CACNA1H: variants seen among roughly 807,000 people sequenced by gnomAD.
CACNA1H encodes the protein voltage-dependent T-type calcium channel subunit alpha-1H.
CACNA1H carries 149 observed loss-of-function variants against 192.5 expected under a neutral mutation model. That is an observed-to-expected ratio of 0.77 (90% CI 0.68 to 0.89). The LOEUF (loss-of-function observed/expected upper bound fraction) is 0.89, where lower values mean the gene tolerates loss of function less well. CACNA1H is among the 40% of genes least tolerant of loss of function. CACNA1H has a pLI of 0.00. For synonymous variants in CACNA1H, 2,202 were observed against 1,475.2 expected (o/e 1.49, Z -11.29); for missense variants, 4,257 against 3,423.5 (o/e 1.24, Z -6.08).
chr16:1,154,077 T>C (rs1448783469), intron 2 of CACNA1H, 41 bp downstream of exon 2: 10 of 49,838 alleles, frequency 2.0e-4, no homozygotes, highest in Admixed American at 1.1e-3. Flanking sequence ...GCGGGGGGCG[T>C]GGGGAGGGTG....
chr16:1,156,597 T>A (rs1363153763), intron 2 of CACNA1H, among the ~76,000 whole-genome samples: 7 of 152,116 alleles, frequency 4.6e-5, no homozygotes, highest in Non-Finnish European at 1.0e-4. Flanking sequence ...GGGTGCTTCC[T>A]GGGCCTCAGC....
chr16:1,156,692 C>A (rs529318578), intron 2 of CACNA1H, among the ~76,000 whole-genome samples: 1 of 152,130 alleles, frequency 6.6e-6, no homozygotes, highest in Non-Finnish European at 1.5e-5. Context: ...CTCAGGGAAC[C>A]CACACTCAGT....
chr16:1,187,542 T>C (rs529394188), intron 2 of CACNA1H, among the ~76,000 whole-genome samples: 12 of 152,352 alleles, frequency 7.9e-5, no homozygotes, highest in African/African-American at 2.9e-4. Flanking sequence ...CTCAGCTGGC[T>C]GAGCAGATTG....
rs757747784 is a variant in CACNA1H, at chr16:1,210,461, C to T, written c.3937C>T (p.Leu1313=). 2 of 1,612,152 alleles carry T rather than the reference C, an allele frequency of 1.2e-6. No individual in the cohort carries two copies. The highest frequency in any genetic ancestry group is 8.5e-7 in the Non-Finnish European group (1 of 1,179,682). Residue 1313 remains leucine (L), a synonymous_variant, in exon 19 of 35, where the codon CTG becomes TTG. Transcript: ENST00000348261. ...CTTCCTCAACTGCGTCACCATCGCC[C>T]TGGAGAGGCCTGACATTGATCCCGG... ...FIFLNCVTIA[L]ERPDIDPGST...
At chr16:1,196,813 G>C (rs1424686967) in intron 5 of CACNA1H, among the ~76,000 whole-genome samples, 2 of 152,262 alleles carry the variant, frequency 1.3e-5, no homozygotes, top group African/African-American at 2.4e-5. Flanking sequence ...CCTGCATCAG[G>C]GGATGGGGTG....
At chr16:1,208,923 T>C in intron 16 of CACNA1H, 109 bp from the exon 17 acceptor site, 1 of 1,168,860 alleles carries the variant, frequency 8.6e-7, no homozygotes, top group Non-Finnish European at 1.1e-6. Context: ...CTGGCGGGGC[T>C]ATGCATTAAA....
At chr16:1,181,868 G>A (rs528074616) in intron 2 of CACNA1H, among the ~76,000 whole-genome samples, 54 of 152,088 alleles carry the variant, frequency 3.6e-4, no homozygotes, top group Non-Finnish European at 6.2e-4. Context: ...ACCCACACCC[G>A]GACACGCGCC....
intron 2 of CACNA1H, among the ~76,000 whole-genome samples, chr16:1,177,445 A>G (rs1486461888): frequency 3.9e-5 from 6 of 152,184 alleles, no homozygotes; most frequent in South Asian, 2.1e-4. Flanking sequence ...GAGTCCCCCA[A>G]GCTGGCACAG....
At chr16:1,200,592 A>G (rs1354237697) in intron 7 of CACNA1H, 21 bp downstream of exon 7, 2 of 1,610,408 alleles carry the variant, frequency 1.2e-6, no homozygotes, top group South Asian at 1.1e-5. Flanking sequence ...AGATGGTGGG[A>G]CGGGGACCCT....
chr16:1,217,985 C>A lies in CACNA1H; in HGVS notation c.5390C>A (p.Ala1797Asp). The A allele has an allele frequency of 6.2e-7, 1 of 1,604,514 alleles. No individual in the cohort carries two copies. Among genetic ancestry groups the A allele is most frequent in the Non-Finnish European group, 8.5e-7 (1 of 1,176,208 alleles). Reference protein sequence around the residue: ...RHATFSNFGMAFLTLFRVSTG... With the variant: ...RHATFSNFGMDFLTLFRVSTG... ...GCCACCTTCAGCAACTTCGGCATGG[C>A]CTTCCTCACGCTGTTCCGCGTGTCC... is the stretch of plus-strand genomic sequence containing the variant. The change falls in exon 32 of 35, where the codon GCC (alanine) becomes GAC (aspartate). Residue 1797 changes from alanine (A) to aspartate (D), a missense_variant. Transcript: ENST00000348261.
At chr16:1,177,192 C>G (rs1002118385) in intron 2 of CACNA1H, among the ~76,000 whole-genome samples, 1 of 152,220 alleles carries the variant, frequency 6.6e-6, no homozygotes, top group African/African-American at 2.4e-5. Context: ...CCTTGGATTT[C>G]TAAGTGACAC....
chr16:1,192,588 G>C (rs1411321398), intron 2 of CACNA1H, among the ~76,000 whole-genome samples: 2 of 152,238 alleles, frequency 1.3e-5, no homozygotes, highest in South Asian at 2.1e-4. Flanking sequence ...GTCCTGAGCT[G>C]GCTAGGGTGG....
rs1961886675 is a variant in CACNA1H at position 1,153,703 on chromosome 16, C to T, written c.-18-17C>T. On this transcript the variant is annotated splice_polypyrimidine_tract_variant and intron_variant, in intron 1 of 34. Coordinates refer to ENST00000348261, the MANE Select transcript of CACNA1H (RefSeq NM_021098.3). ...GGGCGTCGCCACCGGCCCCGGGTCACCCCCTGTCCTCTGCAGGTGCTGCCG... is the reference window on the plus strand; with the variant it reads ...GGGCGTCGCCACCGGCCCCGGGTCATCCCCTGTCCTCTGCAGGTGCTGCCG... 7 of 1,193,470 alleles carry T rather than the reference C, an allele frequency of 5.9e-6. No individual in the cohort carries two copies. Among genetic ancestry groups the T allele is most frequent in the Non-Finnish European group, 7.3e-6 (7 of 963,620 alleles). 73.9% of individuals were successfully genotyped at this position (1,193,470 alleles called of 1,614,324 possible).
chr16:1,166,520 G>A (rs771686460), intron 2 of CACNA1H, among the ~76,000 whole-genome samples: 4 of 152,148 alleles, frequency 2.6e-5, no homozygotes, highest in Non-Finnish European at 4.4e-5. Context: ...GGTCCAATTC[G>A]GTCGTTCTCC....
In CACNA1H at chr16:1,153,869, C is replaced by T. The variant is rs1035051143; in HGVS notation, c.132C>T (p.Ser44=). The T allele has an allele frequency of 1.1e-5, 15 of 1,391,028 alleles. No homozygotes were observed. The African/African-American group carries it at 1.5e-4, about 14-fold the overall frequency. The allele number at this position is 1,391,028 out of a possible 1,614,324, so 86.2% of individuals were successfully genotyped here. ...GAPGREAERG[S]ELGVSPSESP... ...CGGGACGCGAGGCGGAGCGGGGGTCCGAGCTCGGCGTGTCACCCTCCGAGA... is the reference window on the plus strand; with the variant it reads ...CGGGACGCGAGGCGGAGCGGGGGTCTGAGCTCGGCGTGTCACCCTCCGAGA... The change falls in exon 2 of 35, where the codon TCC becomes TCT. Residue 44 remains serine (S), a synonymous_variant. Transcript: ENST00000348261.
rs1464513658 is a variant in CACNA1H at position 1,198,637 on chromosome 16, G to C, written c.666G>C (p.Leu222=). 2.5e-6 allele frequency: 4 copies of C among 1,613,172 alleles called. No homozygotes were observed. The African/African-American group carries it at 5.3e-5, about 22-fold the overall frequency. The part of the protein sequence containing the change: ...RVPSMRILVT[L]LLDTLPMLGN... Reference sequence around the variant, plus strand: ...CAGGCATGCGGATCCTGGTCACTCTGCTGCTGGATACGCTGCCCATGCTCG... The same window carrying C: ...CAGGCATGCGGATCCTGGTCACTCTCCTGCTGGATACGCTGCCCATGCTCG... Residue 222 remains leucine (L), a synonymous_variant, in exon 6 of 35, where the codon CTG becomes CTC. Coordinates refer to ENST00000348261, the MANE Select transcript of CACNA1H (RefSeq NM_021098.3).
At chr16:1,169,534 G>T (rs1486132321) in intron 2 of CACNA1H, among the ~76,000 whole-genome samples, 1 of 152,212 alleles carries the variant, frequency 6.6e-6, no homozygotes, top group African/African-American at 2.4e-5. Context: ...CCCGTGGGCA[G>T]CGACCCCAAG....
chr16:1,173,601 A>T (rs934210148), intron 2 of CACNA1H, among the ~76,000 whole-genome samples: 3 of 152,226 alleles, frequency 2.0e-5, no homozygotes, highest in African/African-American at 7.2e-5. Flanking sequence ...AACGTTAAAA[A>T]CTCAGTGAGA....
At chr16:1,187,539 G>A (rs1212991620) in intron 2 of CACNA1H, among the ~76,000 whole-genome samples, 1 of 152,252 alleles carries the variant, frequency 6.6e-6, no homozygotes, top group Non-Finnish European at 1.5e-5. Flanking sequence ...GGGCTCAGCT[G>A]GCTGAGCAGA....
Sources: gnomAD v4.1 joint callset for allele counts (sites outside exome capture counted in the v4.1 genomes callset) on GRCh38, gnomAD v4.1.1 for gene constraint, MANE v1.5 for transcripts, NCBI Gene and HGNC (gene_info 2026-07-23, HGNC 2026-07-21) for gene names.